Variants in LRRC4C observed in about 807,000 individuals in gnomAD.
LRRC4C encodes the protein leucine rich repeat containing 4C, also known as leucine-rich repeat-containing protein 4C.
A neutral mutation model predicts 33.6 loss-of-function variants in LRRC4C; 5 were observed. That is an observed-to-expected ratio of 0.15 (90% CI 0.08 to 0.31). The LOEUF (loss-of-function observed/expected upper bound fraction) is 0.31. Among genes scored for constraint, LRRC4C ranks in the 10% least tolerant of loss-of-function variants. LRRC4C has a pLI of 1.00. For missense variants in LRRC4C, 560 were observed against 796.7 expected (o/e 0.70, Z 3.58); for synonymous variants, 329 against 302.0 (o/e 1.09, Z -0.93).
intron 3 of LRRC4C, among the ~76,000 whole-genome samples, chr11:40,478,621 C>T (rs1231731713): frequency 6.6e-6 from 1 of 152,044 alleles, no homozygotes; most frequent in Non-Finnish European, 1.5e-5. Context: ...TATACATGTG[C>T]CATGTTGGTT....
At chr11:41,014,828 G>T (rs1042709435) in intron 1 of LRRC4C, among the ~76,000 whole-genome samples, 14 of 152,098 alleles carry the variant, frequency 9.2e-5, no homozygotes, top group Non-Finnish European at 1.5e-4. Flanking sequence ...CTGGGGTAAT[G>T]AATGCATTGG....
chr11:41,418,802 T>C lies in LRRC4C; in HGVS notation c.-496+40629A>G, dbSNP rs536152961. On this transcript the variant is annotated intron_variant, in intron 1 of 6. Coordinates refer to ENST00000528697, the MANE Select transcript of LRRC4C (RefSeq NM_001258419.2). ...CAATGAATTGTATTGATTGGGTCGT[T>C]GGAAAAACTAAGTCCTATAGCATAA... Among the ~76,000 whole-genome samples the C allele has an allele frequency of 2.9e-4, 44 of 152,070 alleles. No homozygotes were observed. In the South Asian group the frequency reaches 3.7e-3, roughly 13 times the overall value.
intron 3 of LRRC4C, among the ~76,000 whole-genome samples, chr11:40,548,843 G>A (rs1957027385): frequency 1.3e-5 from 2 of 152,114 alleles, no homozygotes; most frequent in Non-Finnish European, 2.9e-5. Flanking sequence ...ATGTGTTAGT[G>A]CATGTACTCC....
intron 5 of LRRC4C, among the ~76,000 whole-genome samples, chr11:40,182,794 T>A (rs1395227615): frequency 2.0e-5 from 3 of 152,244 alleles, no homozygotes; most frequent in African/African-American, 4.8e-5. Flanking sequence ...TCTGTCTTTG[T>A]ATTTTCAGTT....
intron 3 of LRRC4C, among the ~76,000 whole-genome samples, chr11:40,424,756 T>C (rs1213091914): frequency 6.6e-6 from 1 of 152,216 alleles, no homozygotes; most frequent in Admixed American, 6.5e-5. Flanking sequence ...AAAAATTATA[T>C]GTATATTTGA....
intron 1 of LRRC4C, among the ~76,000 whole-genome samples, chr11:41,432,188 C>T (rs1187821731): frequency 2.6e-5 from 4 of 152,180 alleles, no homozygotes; most frequent in African/African-American, 4.8e-5. Flanking sequence ...ACCTACCCAT[C>T]TATGGGTATT....
intron 3 of LRRC4C, among the ~76,000 whole-genome samples, chr11:40,367,929 T>C (rs1379482268): frequency 6.6e-6 from 1 of 152,118 alleles, no homozygotes; most frequent in Non-Finnish European, 1.5e-5. Flanking sequence ...TAATGTCCCA[T>C]CTACACAGTA....
intron 6 of LRRC4C, among the ~76,000 whole-genome samples, chr11:40,136,427 C>T (rs568269540): frequency 8.8e-4 from 131 of 149,596 alleles, no homozygotes; most frequent in African/African-American, 1.9e-3. Context: ...CCACCATGCC[C>T]GGCTACTTTT....
chr11:40,879,557 G>A (rs545703969), intron 2 of LRRC4C, among the ~76,000 whole-genome samples: 20 of 152,100 alleles, frequency 1.3e-4, no homozygotes, highest in Non-Finnish European at 2.9e-4. Context: ...GGAAGAAGGA[G>A]ACCTACAAAC....
intron 3 of LRRC4C, among the ~76,000 whole-genome samples, chr11:40,643,384 G>A (rs1041599641): frequency 3.9e-5 from 6 of 152,038 alleles, no homozygotes; most frequent in African/African-American, 1.2e-4. Context: ...GCTATGACAA[G>A]GTCCCCCCAA....
At chr11:40,214,746 A>G (rs1353657730) in intron 5 of LRRC4C, among the ~76,000 whole-genome samples, 1 of 152,114 alleles carries the variant, frequency 6.6e-6, no homozygotes, top group African/African-American at 2.4e-5. Flanking sequence ...GAACTGTAAA[A>G]ATATTAATTT....
At chr11:40,629,058 C>A (rs1963231270) in intron 3 of LRRC4C, among the ~76,000 whole-genome samples, 1 of 152,068 alleles carries the variant, frequency 6.6e-6, no homozygotes, top group South Asian at 2.1e-4. Flanking sequence ...AAACATTTGA[C>A]TAATTCACAA....
At chr11:40,453,047 G>A (rs376917932) in intron 3 of LRRC4C, among the ~76,000 whole-genome samples, 1 of 140,844 alleles carries the variant, frequency 7.1e-6, no homozygotes, top group East Asian at 2.5e-4. Flanking sequence ...TGGGGGAGGG[G>A]GGAGGGATAG....
chr11:40,652,348 CTT>C (rs1942860668), intron 2 of LRRC4C, among the ~76,000 whole-genome samples: 1 of 152,202 alleles, frequency 6.6e-6, no homozygotes, highest in African/African-American at 2.4e-5. Flanking sequence ...GTGTTATACT[CTT>C]TATCTCAACT....
At chr11:40,671,272 T>C (rs946472817) in intron 2 of LRRC4C, among the ~76,000 whole-genome samples, 2 of 152,192 alleles carry the variant, frequency 1.3e-5, no homozygotes, top group Non-Finnish European at 2.9e-5. Flanking sequence ...TAGCAACCAT[T>C]TTAGAAAATG....
intron 1 of LRRC4C, among the ~76,000 whole-genome samples, chr11:41,319,707 C>T (rs150333721): frequency 3.9e-5 from 6 of 152,112 alleles, no homozygotes; most frequent in African/African-American, 7.2e-5. Context: ...CACACCATCA[C>T]GCCCAGCTAA....
chr11:40,783,157 A>G (rs1173942064), intron 2 of LRRC4C, among the ~76,000 whole-genome samples: 1 of 152,192 alleles, frequency 6.6e-6, no homozygotes, highest in Non-Finnish European at 1.5e-5. Flanking sequence ...GAAGTTTGAA[A>G]TATTGAACAC....
chr11:40,426,302 C>A (rs1026439500), intron 3 of LRRC4C, among the ~76,000 whole-genome samples: 1 of 152,016 alleles, frequency 6.6e-6, no homozygotes, highest in African/African-American at 2.4e-5. Context: ...TGTGAGCCAC[C>A]GCGCCTGGCC....
intron 1 of LRRC4C, among the ~76,000 whole-genome samples, chr11:41,124,537 A>T (rs375255433): frequency 6.6e-6 from 1 of 152,080 alleles, no homozygotes; most frequent in Non-Finnish European, 1.5e-5. Flanking sequence ...AAAAATTCCT[A>T]TATAACAAAC....
Sources: allele counts gnomAD v4.1 joint callset (sites outside exome capture counted in the v4.1 genomes callset), GRCh38; gene constraint gnomAD v4.1.1; transcripts MANE v1.5; gene names NCBI Gene and HGNC (gene_info 2026-07-23, HGNC 2026-07-21).